Variants in UBASH3B observed in about 807,000 individuals in gnomAD.
The protein encoded by UBASH3B is ubiquitin-associated and SH3 domain-containing protein B.
UBASH3B carries 37 observed loss-of-function variants against 83.4 expected under a neutral mutation model. The observed-to-expected ratio is 0.44, with a 90% CI of 0.34 to 0.58. UBASH3B has a LOEUF of 0.58. Ranked by LOEUF, UBASH3B falls within the 20% of genes least tolerant of loss-of-function variation. UBASH3B has a pLI of 0.01. For missense variants in UBASH3B, 657 were observed against 827.2 expected (o/e 0.79, Z 2.52); for synonymous variants, 304 against 318.3 (o/e 0.96, Z 0.48).
rs775457464 is a variant in UBASH3B at position 122,783,223 on chromosome 11, G to A, written c.771+1G>A. The stretch of plus-strand genomic sequence containing the variant: ...GGATATCCGATTTGCTAACCATGAG[G>A]TAATGTCTCACTGTGGTTCCAGAAG... On this transcript the variant is annotated splice_donor_variant, in intron 5 of 13. Transcript: ENST00000284273. LOFTEE classifies it high-confidence loss of function. 15 of 1,613,168 alleles carry A rather than the reference G, an allele frequency of 9.3e-6. No individual in the cohort carries two copies. The highest frequency in any genetic ancestry group is 1.2e-5 in the Non-Finnish European group (14 of 1,179,538).
At chr11:122,729,523 A>G (rs1860801953) in intron 1 of UBASH3B, among the ~76,000 whole-genome samples, 1 of 152,200 alleles carries the variant, frequency 6.6e-6, no homozygotes, top group Non-Finnish European at 1.5e-5. Context: ...GTTAGATATG[A>G]TAAAGGCAAG....
chr11:122,764,275 G>T (rs1312623408), intron 1 of UBASH3B, among the ~76,000 whole-genome samples: 1 of 152,212 alleles, frequency 6.6e-6, no homozygotes, highest in Non-Finnish European at 1.5e-5. Context: ...ATCCTTTGCA[G>T]CCAAGGAATC....
intron 1 of UBASH3B, among the ~76,000 whole-genome samples, chr11:122,675,729 G>T (rs1052615247): frequency 6.6e-6 from 1 of 152,182 alleles, no homozygotes; most frequent in African/African-American, 2.4e-5. Flanking sequence ...GTGAATTCCT[G>T]AGAGTAGGAA....
intron 1 of UBASH3B, among the ~76,000 whole-genome samples, chr11:122,693,546 G>T (rs1300174921): frequency 6.6e-6 from 1 of 152,168 alleles, no homozygotes; most frequent in African/African-American, 2.4e-5. Flanking sequence ...CATGGGTCAT[G>T]GGAGGAAAAA....
chr11:122,712,383 GGGTA>G, intron 1 of UBASH3B, among the ~76,000 whole-genome samples: 2 of 152,248 alleles, frequency 1.3e-5, no homozygotes, highest in Admixed American at 1.3e-4. Context: ...GGAGCTGCTT[GGGTA>G]GATACACACC....
intron 1 of UBASH3B, among the ~76,000 whole-genome samples, chr11:122,667,078 A>G (rs1045967883): frequency 5.1e-5 from 6 of 117,520 alleles, no homozygotes; most frequent in South Asian, 2.6e-4. Flanking sequence ...GAGTCTCACT[A>G]TGTCACCCAG....
intron 1 of UBASH3B, among the ~76,000 whole-genome samples, chr11:122,717,603 C>T (rs1860546736): frequency 6.6e-6 from 1 of 152,188 alleles, no homozygotes; most frequent in South Asian, 2.1e-4. Flanking sequence ...TCTCTGGTAC[C>T]CTGTGTTCAG....
chr11:122,734,366 G>C (rs552613837), intron 1 of UBASH3B, among the ~76,000 whole-genome samples: 3 of 152,206 alleles, frequency 2.0e-5, no homozygotes, highest in Non-Finnish European at 4.4e-5. Context: ...GGCCTGAGCA[G>C]ACGGGGATTC....
intron 11 of UBASH3B, among the ~76,000 whole-genome samples, chr11:122,805,562 C>A (rs775011529): frequency 6.6e-6 from 1 of 151,940 alleles, no homozygotes; most frequent in Non-Finnish European, 1.5e-5. Context: ...CAACAAAAAA[C>A]AAATAACAAA....
chr11:122,805,388 C>T (rs28758382), intron 11 of UBASH3B, among the ~76,000 whole-genome samples: 5,866 of 152,030 alleles, frequency 0.039, 306 homozygotes, highest in East Asian at 0.16. Flanking sequence ...CAAAATTAGC[C>T]GGGTGTGGTG....
At position 122,812,566 on chromosome 11, in the gene UBASH3B, A is replaced by C. The variant is rs1861468735; in HGVS notation, c.*2680A>C. The C allele has an allele frequency of 6.6e-6, 1 of 152,252 alleles. No homozygotes were observed. The highest frequency in any genetic ancestry group is 1.5e-5 in the Non-Finnish European group (1 of 68,042). The allele number at this position is 152,252 out of a possible 1,614,324, so 9.4% of individuals were successfully genotyped here. On this transcript the variant is annotated 3_prime_UTR_variant, in exon 14 of 14. Coordinates refer to ENST00000284273, the MANE Select transcript of UBASH3B (RefSeq NM_032873.5). ...AGGAAGGAATTGACAGATAAGAAGCAAATGGTTTCTTGTACAGAGGAATTT... is the reference window on the plus strand; with the variant it reads ...AGGAAGGAATTGACAGATAAGAAGCCAATGGTTTCTTGTACAGAGGAATTT...
intron 1 of UBASH3B, among the ~76,000 whole-genome samples, chr11:122,678,201 GA>G (rs1354753082): frequency 1.3e-5 from 2 of 152,206 alleles, no homozygotes; most frequent in Non-Finnish European, 2.9e-5. Flanking sequence ...TGAATTTTAA[GA>G]GGAAACAATT....
At position 122,794,739 on chromosome 11, in the gene UBASH3B, C is replaced by T; in HGVS notation, c.1018C>T (p.Leu340Phe). Reference protein sequence around the residue: ...SILNTSSSNSLTFGDGVLERR... With the variant: ...SILNTSSSNSFTFGDGVLERR... ...CTTAAATACATCGTCATCCAACTCT[C>T]TCACGTTTGGGGATGGAGTATTGGA... The change falls in exon 7 of 14, where the codon CTC becomes TTC. Residue 340 changes from leucine to phenylalanine, a missense_variant. Coordinates refer to ENST00000284273, the MANE Select transcript of UBASH3B (RefSeq NM_032873.5). 2 of 1,614,206 alleles carry T rather than the reference C, an allele frequency of 1.2e-6. No individual in the cohort carries two copies. The highest frequency in any genetic ancestry group is 1.7e-6 in the Non-Finnish European group (2 of 1,180,040).
intron 1 of UBASH3B, among the ~76,000 whole-genome samples, chr11:122,730,767 G>A (rs1860830716): frequency 6.6e-6 from 1 of 151,958 alleles, no homozygotes; most frequent in South Asian, 2.1e-4. Flanking sequence ...GGCTCATTTT[G>A]TATTTTTAGT....
intron 1 of UBASH3B, among the ~76,000 whole-genome samples, chr11:122,705,454 T>TTAAAAAAAA (rs1864105068): frequency 1.7e-5 from 1 of 59,536 alleles, no homozygotes; most frequent in Admixed American, 1.9e-4. Context: ...TCGAAAAACA[T>TTAAAAAAAA]AAAAAAAAAA....
At chr11:122,679,363 C>T (rs1863709734) in intron 1 of UBASH3B, among the ~76,000 whole-genome samples, 1 of 152,220 alleles carries the variant, frequency 6.6e-6, no homozygotes, top group Non-Finnish European at 1.5e-5. Context: ...CCCGGAAAGG[C>T]ACCAAAGGAT....
At chr11:122,685,102 G>C (rs970979902) in intron 1 of UBASH3B, among the ~76,000 whole-genome samples, 1 of 152,112 alleles carries the variant, frequency 6.6e-6, no homozygotes, top group Non-Finnish European at 1.5e-5. Flanking sequence ...ACCAATTCTG[G>C]GTCTTTTCCT....
chr11:122,746,717 A>G (rs1016179552), intron 1 of UBASH3B, among the ~76,000 whole-genome samples: 3 of 152,258 alleles, frequency 2.0e-5, no homozygotes, highest in Middle Eastern at 3.4e-3. Flanking sequence ...AGTCGGGAGG[A>G]TTTATTCATT....
intron 3 of UBASH3B, among the ~76,000 whole-genome samples, chr11:122,777,936 G>A (rs887163774): frequency 6.6e-6 from 1 of 151,792 alleles, no homozygotes; most frequent in African/African-American, 2.4e-5. Flanking sequence ...CACCATGTTG[G>A]CCAGGCTGGT....
Sources: gnomAD v4.1 joint callset for allele counts (sites outside exome capture counted in the v4.1 genomes callset) on GRCh38, gnomAD v4.1.1 for gene constraint, MANE v1.5 for transcripts, NCBI Gene and HGNC (gene_info 2026-07-23, HGNC 2026-07-21) for gene names.